Variants in TAF3 observed in about 807,000 individuals in gnomAD.
TAF3 encodes TATA-box binding protein associated factor 3.
A neutral mutation model predicts 80.6 loss-of-function variants in TAF3; 7 were observed. The observed-to-expected ratio is 0.09, with a 90% CI of 0.05 to 0.16. The LOEUF (loss-of-function observed/expected upper bound fraction) is 0.16, where lower values mean the gene tolerates loss of function less well. Among genes scored for constraint, TAF3 ranks in the 10% least tolerant of loss-of-function variants. The pLI, the probability that TAF3 is intolerant of heterozygous loss-of-function variation, is 1.00. For missense variants in TAF3, 921 were observed against 1,140.2 expected (o/e 0.81, Z 2.77); for synonymous variants, 444 against 446.1 (o/e 1.00, Z 0.06).
chr10:7,920,406 G>A (rs549255062), intron 2 of TAF3, among the ~76,000 whole-genome samples: 4 of 150,840 alleles, frequency 2.7e-5, no homozygotes, highest in South Asian at 2.1e-4. Context: ...CTATGGGTGC[G>A]TTGTGTGATT....
chr10:7,830,943 G>A (rs914223150), intron 2 of TAF3, among the ~76,000 whole-genome samples: 2 of 152,146 alleles, frequency 1.3e-5, no homozygotes, highest in South Asian at 2.1e-4. Context: ...CTCAAAATTG[G>A]CAGCAAGAAT....
intron 3 of TAF3, among the ~76,000 whole-genome samples, chr10:7,968,512 T>C (rs1831593572): frequency 6.6e-6 from 1 of 152,322 alleles, no homozygotes; most frequent in East Asian, 1.9e-4. Context: ...CTTTAATCCT[T>C]AAGTATTTCA....
chr10:7,989,455 T>G (rs1278494525), intron 4 of TAF3, among the ~76,000 whole-genome samples: 1 of 152,224 alleles, frequency 6.6e-6, no homozygotes, highest in Admixed American at 6.5e-5. Context: ...AACATCTGTT[T>G]GCATTATTTA....
intron 2 of TAF3, among the ~76,000 whole-genome samples, chr10:7,856,238 G>A (rs1316736742): frequency 6.6e-6 from 1 of 152,232 alleles, no homozygotes; most frequent in African/African-American, 2.4e-5. Flanking sequence ...CACTTTGGGA[G>A]GCCGAGGCGG....
chr10:7,999,130 G>A lies in TAF3; in HGVS notation c.2316-9948G>A, dbSNP rs533203831. On this transcript the variant is annotated intron_variant, in intron 4 of 6. Transcript: ENST00000344293. ...GCAGGGAGGAAAGAACAGAGGAAATGGTCTTGTATTTTAAAATATTTTAAA... is the reference window on the plus strand; with the variant it reads ...GCAGGGAGGAAAGAACAGAGGAAATAGTCTTGTATTTTAAAATATTTTAAA... Among the ~76,000 whole-genome samples the A allele has an allele frequency of 5.3e-5, 8 of 152,058 alleles. No homozygotes were observed. In the East Asian group the frequency reaches 1.6e-3, roughly 30 times the overall value.
chr10:7,967,991 G>A (rs1306230308), intron 3 of TAF3, among the ~76,000 whole-genome samples: 2 of 152,196 alleles, frequency 1.3e-5, no homozygotes, highest in African/African-American at 2.4e-5. Context: ...TAACATAAAT[G>A]TTAAGACTTC....
At chr10:7,948,379 G>A (rs956384680) in intron 2 of TAF3, among the ~76,000 whole-genome samples, 5 of 151,752 alleles carry the variant, frequency 3.3e-5, no homozygotes, top group Non-Finnish European at 5.9e-5. Flanking sequence ...ATGAACCAGT[G>A]CGCCCAGCCT....
chr10:7,836,037 T>G (rs966726541), intron 2 of TAF3, among the ~76,000 whole-genome samples: 1 of 152,182 alleles, frequency 6.6e-6, no homozygotes, highest in East Asian at 1.9e-4. Flanking sequence ...TCTCCTTATA[T>G]GATGAGCTCC....
intron 2 of TAF3, among the ~76,000 whole-genome samples, chr10:7,853,734 C>T (rs143340117): frequency 6.6e-6 from 1 of 152,278 alleles, no homozygotes; most frequent in East Asian, 1.9e-4. Flanking sequence ...ACTGCTTTGG[C>T]ACTACAATGG....
At chr10:7,859,193 G>A (rs894850143) in intron 2 of TAF3, among the ~76,000 whole-genome samples, 7 of 151,740 alleles carry the variant, frequency 4.6e-5, no homozygotes, top group East Asian at 1.9e-4. Flanking sequence ...CCCAGGAGGC[G>A]GATCTTGCAG....
intron 2 of TAF3, among the ~76,000 whole-genome samples, chr10:7,857,786 A>T (rs2131132113): frequency 1.6e-5 from 2 of 124,232 alleles, no homozygotes; most frequent in Admixed American, 8.6e-5. Context: ...TTTTGTTAAG[A>T]AAGAAAAAGG....
chr10:8,002,322 C>T (rs1246747839), intron 4 of TAF3, among the ~76,000 whole-genome samples: 4 of 152,122 alleles, frequency 2.6e-5, no homozygotes, highest in Admixed American at 6.5e-5. Context: ...TTTATCCCGT[C>T]GCACATCGTA....
At chr10:7,928,622 A>G (rs1021509715) in intron 2 of TAF3, among the ~76,000 whole-genome samples, 15 of 152,110 alleles carry the variant, frequency 9.9e-5, no homozygotes, top group African/African-American at 3.4e-4. Context: ...ATAACCATGA[A>G]CTGTTGTGTT....
At chr10:7,956,715 A>C (rs1232154137) in intron 2 of TAF3, among the ~76,000 whole-genome samples, 1 of 152,088 alleles carries the variant, frequency 6.6e-6, no homozygotes, top group Non-Finnish European at 1.5e-5. Context: ...CCCTTTTTGG[A>C]CTGGTGAAAA....
At chr10:7,884,830 CATA>C (rs1837393776) in intron 2 of TAF3, among the ~76,000 whole-genome samples, 1 of 152,112 alleles carries the variant, frequency 6.6e-6, no homozygotes, top group Admixed American at 6.5e-5. Context: ...TGTCTATTTC[CATA>C]ATAATATTTC....
At chr10:7,827,790 A>C (rs955188870) in intron 2 of TAF3, among the ~76,000 whole-genome samples, 5 of 151,600 alleles carry the variant, frequency 3.3e-5, no homozygotes, top group Admixed American at 6.6e-5. Context: ...AAAAAAAAAA[A>C]AAAAAACAAA....
At position 7,824,682 on chromosome 10, in the gene TAF3, C is replaced by G. The variant is rs1588512916; in HGVS notation, c.409+122C>G. 3.1e-6 allele frequency: 4 copies of G among 1,278,940 alleles called. No individual in the cohort carries two copies. In the East Asian group the frequency reaches 7.1e-5, roughly 23 times the overall value. The allele number at this position is 1,278,940 out of a possible 1,614,324, so 79.2% of individuals were successfully genotyped here. ...AACACAATAGAAACATTTACTGTTA[C>G]TTACAAATTATTCTAACCCTTAAAC... On this transcript the variant is annotated intron_variant, in intron 2 of 6. Transcript: ENST00000344293.
chr10:7,888,996 G>C (rs1428476200), intron 2 of TAF3, among the ~76,000 whole-genome samples: 2 of 152,190 alleles, frequency 1.3e-5, no homozygotes. Context: ...AGACAGGATG[G>C]TTGAGGCACT....
chr10:7,958,434 A>G (rs1838157372), intron 2 of TAF3, among the ~76,000 whole-genome samples: 1 of 152,206 alleles, frequency 6.6e-6, no homozygotes, highest in Admixed American at 6.5e-5. Flanking sequence ...AAATAAGTGA[A>G]CTACAGCTGC....
Sources: allele counts gnomAD v4.1 joint callset (sites outside exome capture counted in the v4.1 genomes callset), GRCh38; gene constraint gnomAD v4.1.1; transcripts MANE v1.5; gene names NCBI Gene and HGNC (gene_info 2026-07-23, HGNC 2026-07-21).